Variants in TSPAN18 observed in about 807,000 individuals in gnomAD.
TSPAN18 encodes tetraspanin 18.
A neutral mutation model predicts 27.3 loss-of-function variants in TSPAN18; 14 were observed. That is an observed-to-expected ratio of 0.51 (90% CI 0.34 to 0.80). The LOEUF is 0.80. Ranked by LOEUF, TSPAN18 falls within the 30% of genes least tolerant of loss-of-function variation. The probability of loss-of-function intolerance (pLI) is 0.01; values close to 1 mark genes in which losing one functional copy is unlikely to be tolerated. For missense variants in TSPAN18, 268 were observed against 323.9 expected, an observed-to-expected ratio of 0.83 and a Z score of 1.32; for synonymous variants, 143 against 136.5, an observed-to-expected ratio of 1.05 and a Z score of -0.33.
chr11:44,881,774 G>C (rs1295824428), intron 3 of TSPAN18, among the ~76,000 whole-genome samples: 1 of 152,150 alleles, frequency 6.6e-6, no homozygotes, highest in Non-Finnish European at 1.5e-5. Flanking sequence ...AACCGTTCTT[G>C]ACCCTGTCCT....
intron 2 of TSPAN18, among the ~76,000 whole-genome samples, chr11:44,797,656 T>A (rs1275699346): frequency 2.6e-5 from 4 of 152,188 alleles, no homozygotes; most frequent in Non-Finnish European, 2.9e-5. Flanking sequence ...GCCACATTCA[T>A]CATTTTGTTA....
At chr11:44,909,437 AT>A (rs1262273956) in intron 4 of TSPAN18, 2 of 460,794 alleles carry the variant, frequency 4.3e-6, no homozygotes, top group Non-Finnish European at 7.7e-6. Context: ...AATAGCCTTT[AT>A]GTGATACAGC....
rs1860470447 is a variant in TSPAN18 at position 44,929,014 on chromosome 11, G to C, written c.700-117G>C. The C allele has an allele frequency of 1.8e-5, 24 of 1,318,046 alleles. No individual in the cohort carries two copies. In the South Asian group the frequency reaches 2.7e-4, roughly 15 times the overall value. 81.6% of individuals were successfully genotyped at this position (1,318,046 alleles called of 1,614,324 possible). A position where few individuals can be genotyped will look rare whatever the true frequency, so the allele number is the denominator to read the frequency against. On this transcript the variant is annotated intron_variant, in intron 9 of 9. Coordinates refer to ENST00000520358, the MANE Select transcript of TSPAN18 (RefSeq NM_130783.5). ...CCCAGGGGAATGTCAGGAATCCTTA[G>C]GGGAGGAGTGTGCTAAGAGTGACAG...
chr11:44,764,529 T>A lies in TSPAN18; in HGVS notation c.-153+17T>A, dbSNP rs542515043. On this transcript the variant is annotated intron_variant, in intron 2 of 9. Coordinates refer to ENST00000520358, the MANE Select transcript of TSPAN18 (RefSeq NM_130783.5). ...TGGAAAGAGGTATGATGTGGCAACA[T>A]GGCAGGGTGGCATCTTCACTTACTC... 1 of 152,386 alleles carries A rather than the reference T, an allele frequency of 6.6e-6. No homozygotes were observed. Among genetic ancestry groups the A allele is most frequent in the South Asian group, 2.1e-4 (1 of 4,826 alleles). The allele number at this position is 152,386 out of a possible 1,614,324, so 9.4% of individuals were successfully genotyped here.
At position 44,793,459 on chromosome 11, in the gene TSPAN18, C is replaced by T. The variant is rs138827130; in HGVS notation, c.-153+28947C>T. 2.8e-3 allele frequency among the ~76,000 whole-genome samples: 419 copies of T among 152,252 alleles called. 5 individuals are homozygous for T. The highest frequency in any genetic ancestry group is 0.01 in the Middle Eastern group (3 of 294). On this transcript the variant is annotated intron_variant, in intron 2 of 9. Transcript: ENST00000520358. ...CCAGCCCTCCCAGTGTGCCAGTGAC[C>T]CAGGGGTTTCCTGGAAGTAGGATTC...
At chr11:44,850,593 C>A (rs1049382182) in intron 2 of TSPAN18, among the ~76,000 whole-genome samples, 1 of 152,116 alleles carries the variant, frequency 6.6e-6, no homozygotes, top group African/African-American at 2.4e-5. Context: ...CCTTACTCTG[C>A]CCCAGATAAT....
chr11:44,918,181 C>A, intron 6 of TSPAN18, 135 bp downstream of exon 6: 1 of 895,850 alleles, frequency 1.1e-6, no homozygotes, highest in South Asian at 1.6e-5. Context: ...CAGCCCAAGT[C>A]ATGGCCCCAC....
intron 1 of TSPAN18, among the ~76,000 whole-genome samples, chr11:44,746,278 G>C (rs1855075525): frequency 6.6e-6 from 1 of 152,290 alleles, no homozygotes; most frequent in African/African-American, 2.4e-5. Context: ...CCCAGCCTCT[G>C]TCAGGGAGTC....
At chr11:44,789,075 C>G (rs1290204517) in intron 2 of TSPAN18, among the ~76,000 whole-genome samples, 1 of 152,192 alleles carries the variant, frequency 6.6e-6, no homozygotes, top group African/African-American at 2.4e-5. Context: ...TGCGGATTTT[C>G]CCTTCGCGCT....
intron 3 of TSPAN18, among the ~76,000 whole-genome samples, chr11:44,884,579 G>A (rs61880460): frequency 5.9e-5 from 9 of 152,180 alleles, no homozygotes; most frequent in Non-Finnish European, 1.2e-4. Context: ...AAACCTCACC[G>A]GCTCCCAGGA....
chr11:44,926,805 G>T, intron 9 of TSPAN18, 48 bp downstream of exon 9: 2 of 1,590,032 alleles, frequency 1.3e-6, no homozygotes, highest in Middle Eastern at 1.7e-4. Context: ...GAAGCCTCAC[G>T]TGGAGCCTAG....
chr11:44,890,012 C>T (rs1858790786), intron 3 of TSPAN18, among the ~76,000 whole-genome samples: 1 of 152,234 alleles, frequency 6.6e-6, no homozygotes, highest in Non-Finnish European at 1.5e-5. Flanking sequence ...TCCTGCCCCA[C>T]AGGCTCGTTC....
At chr11:44,737,955 G>A (rs1302208618) in intron 1 of TSPAN18, among the ~76,000 whole-genome samples, 3 of 152,064 alleles carry the variant, frequency 2.0e-5, no homozygotes, top group African/African-American at 7.3e-5. Context: ...CCCATCTGTA[G>A]GCTCAGATGG....
chr11:44,887,280 A>C (rs1359469121), intron 3 of TSPAN18, among the ~76,000 whole-genome samples: 2 of 152,120 alleles, frequency 1.3e-5, no homozygotes, highest in African/African-American at 4.8e-5. Context: ...GGCAATGCCT[A>C]CTTGATAGGG....
chr11:44,879,198 G>C (rs1858421338), intron 3 of TSPAN18, among the ~76,000 whole-genome samples: 1 of 152,090 alleles, frequency 6.6e-6, no homozygotes, highest in Admixed American at 6.6e-5. Flanking sequence ...TTTTAGCAAG[G>C]GTTAAATCAG....
At chr11:44,813,866 A>G (rs1205925498) in intron 2 of TSPAN18, among the ~76,000 whole-genome samples, 1 of 152,200 alleles carries the variant, frequency 6.6e-6, no homozygotes, top group Non-Finnish European at 1.5e-5. Context: ...CTTGGGATCC[A>G]ACCACGCCCA....
rs554930928 is a variant in TSPAN18 at position 44,927,626 on chromosome 11, AAGCAC to A, written c.699+871_699+875del. ...TTGATTATTCATTCATGTATTCAAC[AAGCAC>A]ACACTGAGCCCTATTCTTCGCCAGC... On this transcript the variant is annotated intron_variant, in intron 9 of 9. Coordinates refer to ENST00000520358, the MANE Select transcript of TSPAN18 (RefSeq NM_130783.5). 5.1e-4 allele frequency among the ~76,000 whole-genome samples: 77 copies of A among 152,298 alleles called. No homozygotes were observed. In the East Asian group the frequency reaches 0.014, roughly 28 times the overall value.
intron 1 of TSPAN18, among the ~76,000 whole-genome samples, chr11:44,741,067 T>C (rs1854921542): frequency 2.0e-5 from 3 of 152,200 alleles, no homozygotes; most frequent in Admixed American, 6.5e-5. Context: ...GGGTCTCCCC[T>C]GAGAGTCTTG....
At chr11:44,838,071 A>G (rs1198576555) in intron 2 of TSPAN18, among the ~76,000 whole-genome samples, 3 of 152,148 alleles carry the variant, frequency 2.0e-5, no homozygotes, top group Non-Finnish European at 4.4e-5. Context: ...TCCCTTACAA[A>G]GATGTCCATG....
Sources: allele counts gnomAD v4.1 joint callset (sites outside exome capture counted in the v4.1 genomes callset), GRCh38; gene constraint gnomAD v4.1.1; transcripts MANE v1.5; gene names NCBI Gene and HGNC (gene_info 2026-07-23, HGNC 2026-07-21).